RUFY4: variants seen among roughly 807,000 people sequenced by gnomAD.
RUFY4 encodes the protein RUN and FYVE domain containing 4, also known as RUN and FYVE domain-containing protein 4.
RUFY4 carries 73 observed loss-of-function variants against 69.0 expected under a neutral mutation model. The ratio of observed to expected loss-of-function variants is 1.06; its 90% CI spans 0.88 to 1.29. RUFY4 has a LOEUF of 1.29. RUFY4 is among the 50% of genes most tolerant of loss of function. RUFY4 has a pLI of 0.00. For missense variants in RUFY4, 770 were observed against 705.6 expected, an observed-to-expected ratio of 1.09 and a Z score of -1.03; for synonymous variants, 287 against 271.8, an observed-to-expected ratio of 1.06 and a Z score of -0.55.
chr2:218,045,944 A>G (rs1029931318), intron 2 of RUFY4, among the ~76,000 whole-genome samples: 6 of 152,086 alleles, frequency 3.9e-5, no homozygotes, highest in Non-Finnish European at 7.4e-5. Context: ...AGCTGGGACT[A>G]CAGGCTCCCG....
At chr2:218,039,372 T>C (rs1202919232) in intron 2 of RUFY4, among the ~76,000 whole-genome samples, 1 of 152,080 alleles carries the variant, frequency 6.6e-6, no homozygotes, top group East Asian at 1.9e-4. Flanking sequence ...CAATAGACAA[T>C]GAATTGTGGT....
At chr2:218,046,131 G>A (rs545110525) in intron 2 of RUFY4, among the ~76,000 whole-genome samples, 3 of 151,988 alleles carry the variant, frequency 2.0e-5, no homozygotes, top group African/African-American at 4.8e-5. Flanking sequence ...TGTATATAAT[G>A]TATAGTGATC....
chr2:218,075,712 C>G, exon 7 of RUFY4: 1 of 1,452,112 alleles, frequency 6.9e-7, no homozygotes. Context: ...GAGGAGCAAG[C>G]CGAGGTGTCC....
chr2:218,089,195 T>G, intron 9 of RUFY4, 57 bp from the exon 12 acceptor site: 1 of 1,403,250 alleles, frequency 7.1e-7, no homozygotes, highest in South Asian at 1.2e-5. Flanking sequence ...CTTTTCCCAT[T>G]TCTATCTTTT....
chr2:218,082,374 C>T lies in RUFY4; in HGVS notation c.1356-736C>T, dbSNP rs1030860674. Among the ~76,000 whole-genome samples, 6 of 120,406 alleles carry T rather than the reference C, an allele frequency of 5.0e-5. 1 individual carries two copies. The South Asian group carries it at 7.5e-4, about 15-fold the overall frequency. 79.0% of individuals were successfully genotyped at this position (120,406 alleles called of 152,430 possible). On this transcript the variant is annotated intron_variant, in intron 8 of 10. Coordinates refer to ENST00000344321, the Ensembl canonical transcript of RUFY4. Reference sequence around the variant, plus strand: ...CGACCATCCAGCCTGGGTTCCCAGGCGTCTGCCTTCCCTCCAGAGAGCTGC... The same window carrying T: ...CGACCATCCAGCCTGGGTTCCCAGGTGTCTGCCTTCCCTCCAGAGAGCTGC...
chr2:218,036,206 G>A (rs114685295), intron 2 of RUFY4, among the ~76,000 whole-genome samples: 1,867 of 152,298 alleles, frequency 0.012, 39 homozygotes, highest in African/African-American at 0.042. Flanking sequence ...CTGCTCAATC[G>A]GTGGAGGCCA....
In RUFY4 at chr2:218,076,551, C is replaced by T. The variant is rs542271543; in HGVS notation, c.1355+18C>T. ...CTCAGCAGGTAACCTTGGCAACCCA[C>T]AGCACAGGGCACCTGGAAGTGCTCC... On this transcript the variant is annotated intron_variant, in intron 8 of 10. Coordinates refer to ENST00000344321, the Ensembl canonical transcript of RUFY4. 1.9e-6 allele frequency: 3 copies of T among 1,548,652 alleles called. No homozygotes were observed. The highest frequency in any genetic ancestry group is 2.5e-5 in the East Asian group (1 of 40,614).
intron 2 of RUFY4, among the ~76,000 whole-genome samples, chr2:218,055,215 T>C (rs911378142): frequency 6.6e-6 from 1 of 152,110 alleles, no homozygotes; most frequent in Non-Finnish European, 1.5e-5. Context: ...AGAAACATGA[T>C]GAAACCCCAT....
intron 2 of RUFY4, among the ~76,000 whole-genome samples, chr2:218,036,963 T>C (rs1439465590): frequency 6.6e-6 from 1 of 152,138 alleles, no homozygotes; most frequent in Admixed American, 6.5e-5. Flanking sequence ...TGTAATTCCA[T>C]GGGAGAAAAT....
chr2:218,045,896 C>T (rs894627028), intron 2 of RUFY4, among the ~76,000 whole-genome samples: 9 of 152,112 alleles, frequency 5.9e-5, no homozygotes, highest in East Asian at 1.9e-4. Context: ...GCTCCGCCTC[C>T]GGGGTTCGCG....
chr2:218,075,184 A>G, exon 7 of RUFY4: 1 of 1,557,528 alleles, frequency 6.4e-7, no homozygotes, highest in Non-Finnish European at 8.7e-7. Flanking sequence ...CCCAGTGGAC[A>G]GCAGCTGGCA....
chr2:218,052,767 G>A (rs1574496615), intron 2 of RUFY4, among the ~76,000 whole-genome samples: 1 of 148,722 alleles, frequency 6.7e-6, no homozygotes, highest in Admixed American at 6.7e-5. Context: ...ATAACGTCTT[G>A]TGTTTTGTGC....
In RUFY4 at chr2:218,045,017, ACTGT is replaced by A. The variant is rs1486909180; in HGVS notation, c.-1158+9630_-1158+9633del. On this transcript the variant is annotated intron_variant and NMD_transcript_variant, in intron 2 of 13. Coordinates refer to the RUFY4 transcript ENST00000457754. Reference sequence around the variant, plus strand: ...TTTTCGGTCTTTGAGGAATTACCACACTGTCTGTCTTCCACATTGGTTGAACTAA... The same window carrying A: ...TTTTCGGTCTTTGAGGAATTACCACACTGTCTTCCACATTGGTTGAACTAA... Among the ~76,000 whole-genome samples the A allele has an allele frequency of 4.0e-5, 6 of 149,444 alleles. No individual in the cohort carries two copies. The South Asian group carries it at 6.2e-4, about 15-fold the overall frequency.
intron 8 of RUFY4, among the ~76,000 whole-genome samples, chr2:218,077,290 C>T (rs1689657052): frequency 6.6e-6 from 1 of 152,212 alleles, no homozygotes; most frequent in Admixed American, 6.5e-5. Context: ...CTTCCGTCAT[C>T]ACATTGACCT....
chr2:218,070,159 C>G, upstream of RUFY4: 1 of 220,130 alleles, frequency 4.5e-6, no homozygotes, highest in South Asian at 7.6e-5. Flanking sequence ...TGAGCCCTCA[C>G]GGGGTCACTC....
chr2:218,070,243 A>G, upstream of RUFY4: 1 of 310,546 alleles, frequency 3.2e-6, no homozygotes, highest in Non-Finnish European at 6.3e-6. Flanking sequence ...TACCTCTGTG[A>G]TGCTGGATAA....
chr2:218,090,320 C>T, exon 11 of RUFY4: 1 of 334,980 alleles, frequency 3.0e-6, no homozygotes, highest in South Asian at 2.4e-5. Context: ...GGGCCCCATC[C>T]TCTCTAAAGT....
intron 2 of RUFY4, among the ~76,000 whole-genome samples, chr2:218,057,454 A>T (rs1331080673): frequency 1.3e-5 from 2 of 152,180 alleles, no homozygotes; most frequent in African/African-American, 4.8e-5. Flanking sequence ...TTCCTCCTTC[A>T]TTCCACATTA....
chr2:218,070,866 C>T lies in RUFY4; in HGVS notation c.153+7C>T, dbSNP rs1689469508. 2.6e-6 allele frequency: 4 copies of T among 1,528,944 alleles called. No homozygotes were observed. Among genetic ancestry groups the T allele is most frequent in the Admixed American group, 2.0e-5 (1 of 50,424 alleles). 94.7% of individuals were successfully genotyped at this position (1,528,944 alleles called of 1,614,324 possible). ...CCTGGAGCTGCTGCTGCAGGTGGGACCTTCTCCTCCCCTTCCCCATCCCTC... is the reference window on the plus strand; with the variant it reads ...CCTGGAGCTGCTGCTGCAGGTGGGATCTTCTCCTCCCCTTCCCCATCCCTC... On this transcript the variant is annotated splice_region_variant and intron_variant, in intron 2 of 10. Coordinates refer to ENST00000344321, the Ensembl canonical transcript of RUFY4.
Sources: gnomAD v4.1 joint callset for allele counts (sites outside exome capture counted in the v4.1 genomes callset) on GRCh38, gnomAD v4.1.1 for gene constraint, MANE v1.5 for transcripts, NCBI Gene and HGNC (gene_info 2026-07-23, HGNC 2026-07-21) for gene names.